The following DMD variants were observed in gnomAD, a reference collection of about 807,000 sequenced individuals.
DMD encodes the protein dystrophin.
Under a neutral mutation model 330.1 loss-of-function variants are expected in DMD, and 63 were observed. The observed-to-expected ratio is 0.19, with a 90% CI of 0.16 to 0.24. DMD has a LOEUF of 0.24. Ranked by LOEUF, DMD falls within the 10% of genes least tolerant of loss-of-function variation. The pLI, the probability that DMD is intolerant of heterozygous loss-of-function variation, is 1.00. For missense variants in DMD, 3,344 were observed against 2,684.1 expected (o/e 1.25, Z -5.43); for synonymous variants, 1,223 against 959.8 (o/e 1.27, Z -5.07).
intron 2 of DMD, among the ~76,000 whole-genome samples, chrX:33,007,885 T>G (rs2093427678): frequency 8.9e-6 from 1 of 111,880 alleles, no homozygotes; most frequent in South Asian, 3.7e-4. Flanking sequence ...GACTAGTTCC[T>G]ATGAAAAGTA....
intron 2 of DMD, among the ~76,000 whole-genome samples, chrX:32,932,831 C>A (rs200448160): frequency 8.9e-6 from 1 of 111,867 alleles, no homozygotes; most frequent in African/African-American, 3.3e-5. Context: ...TTTTTACGTG[C>A]AAAACTTCTG....
At position 32,686,559 on chromosome X, in the gene DMD, C is replaced by CAAAAAAAAAAAAAAAAA. The variant is rs750534167; in HGVS notation, c.960+11294_960+11310dup. On this transcript the variant is annotated intron_variant, in intron 9 of 78. Coordinates refer to ENST00000357033, the MANE Select transcript of DMD (RefSeq NM_004006.3). ...GGGCAACAGAGCAAAAACTCCATCT[C>CAAAAAAAAAAAAAAAAA]AAAAAAAAAAAAAAAAAAAAAAAGA... Among the ~76,000 whole-genome samples, 24 of 28,580 alleles carry CAAAAAAAAAAAAAAAAA rather than the reference C, an allele frequency of 8.4e-4. 1 individual carries two copies. Among genetic ancestry groups the CAAAAAAAAAAAAAAAAA allele is most frequent in the African/African-American group, 2.4e-3 (18 of 7,472 alleles). 24.8% of individuals were successfully genotyped at this position (28,580 alleles called of 115,157 possible). A position where few individuals can be genotyped will look rare whatever the true frequency, so the allele number is the denominator to read the frequency against.
chrX:33,287,203 G>T (rs2053446327), intron 1 of DMD, among the ~76,000 whole-genome samples: 1 of 111,165 alleles, frequency 9.0e-6, no homozygotes. Context: ...TATATATTTG[G>T]GTTACATAAT....
At chrX:31,961,740 G>GT (rs59279553) in intron 45 of DMD, among the ~76,000 whole-genome samples, 15,081 of 75,490 alleles carry the variant, frequency 0.2, 1,383 homozygotes, top group East Asian at 0.28. Flanking sequence ...AAAGGAAGCG[G>GT]TTTTTTTTTT....
intron 38 of DMD, among the ~76,000 whole-genome samples, chrX:32,347,643 C>A (rs1165688339): frequency 1.8e-5 from 2 of 111,654 alleles, no homozygotes; most frequent in Non-Finnish European, 3.8e-5. Context: ...CAAGCATTGT[C>A]TGAGAAGGCT....
intron 63 of DMD, among the ~76,000 whole-genome samples, chrX:31,244,912 C>T (rs1195476356): frequency 9.0e-6 from 1 of 111,503 alleles, no homozygotes; most frequent in Admixed American, 9.6e-5. Flanking sequence ...CGTTTTTCTC[C>T]TTGATATTTT....
rs1250627945 is a variant in DMD at position 31,794,242 on chromosome X, C to T, written c.7310-20050G>A. 7.2e-5 allele frequency among the ~76,000 whole-genome samples: 8 copies of T among 111,236 alleles called. No homozygotes were observed. The East Asian group carries it at 1.1e-3, about 16-fold the overall frequency. ...ATTCATATCCTTTCTGAAAGATAAA[C>T]TACCTCAAAATTCAGGACCCAATAG... is the stretch of plus-strand genomic sequence containing the variant. On this transcript the variant is annotated intron_variant, in intron 50 of 78. Coordinates refer to ENST00000357033, the MANE Select transcript of DMD (RefSeq NM_004006.3).
At chrX:31,470,199 CA>C (rs1053372991) in intron 59 of DMD, among the ~76,000 whole-genome samples, 8 of 111,538 alleles carry the variant, frequency 7.2e-5, no homozygotes, top group Non-Finnish European at 1.5e-4. Context: ...ATTCTCCATC[CA>C]GTTTTGTTCC....
rs201832119 is a variant in DMD at position 31,266,791 on chromosome X, G to A, written c.9225-5775C>T. On this transcript the variant is annotated intron_variant, in intron 62 of 78. Coordinates refer to ENST00000357033, the MANE Select transcript of DMD (RefSeq NM_004006.3). ...CGGATTGCGGCCATCAGACGGGGCC[G>A]GGGCCGCGATCCACTTACCCTTTGA... is the stretch of plus-strand genomic sequence containing the variant. The A allele has an allele frequency of 2.4e-5, 29 of 1,192,460 alleles. No individual in the cohort carries two copies. The African/African-American group carries it at 4.2e-4, about 17-fold the overall frequency.
At chrX:31,932,760 A>ATACG (rs1163877787) in intron 45 of DMD, among the ~76,000 whole-genome samples, 41 of 110,701 alleles carry the variant, frequency 3.7e-4, no homozygotes, top group African/African-American at 1.3e-3. Context: ...ACATACATAC[A>ATACG]TACGTACGTA....
In DMD at chrX:32,485,734, CTTTTTTTTTTTTT is replaced by C. The variant is rs5902034; in HGVS notation, c.2623-648_2623-636del. Among the ~76,000 whole-genome samples the C allele has an allele frequency of 2.5e-4, 9 of 36,156 alleles. No homozygotes were observed. The East Asian group carries it at 0.01, about 41-fold the overall frequency. 31.4% of individuals were successfully genotyped at this position (36,156 alleles called of 115,157 possible). A position where few individuals can be genotyped will look rare whatever the true frequency, so the allele number is the denominator to read the frequency against. On this transcript the variant is annotated intron_variant, in intron 20 of 78. Transcript: ENST00000357033. ...CTCCTGACCAAACAGGCAACCACTG[CTTTTTTTTTTTTT>C]TTTTTTTTTTTTTGGGACAGAGTCT...
chrX:32,456,097 A>G (rs868579270), intron 25 of DMD, among the ~76,000 whole-genome samples: 1 of 40,017 alleles, frequency 2.5e-5, no homozygotes, highest in Admixed American at 4.3e-4. Context: ...GAGTTTTCAT[A>G]GTATTAATAT....
chrX:32,474,233 A>G (rs2040984096), intron 21 of DMD, among the ~76,000 whole-genome samples: 1 of 110,103 alleles, frequency 9.1e-6, no homozygotes. Context: ...ACACACACAC[A>G]CACTCACCAC....
At chrX:32,922,175 A>T (rs1194141504) in intron 2 of DMD, among the ~76,000 whole-genome samples, 1 of 98,526 alleles carries the variant, frequency 1.0e-5, no homozygotes, top group African/African-American at 3.7e-5. Flanking sequence ...CCCTGACATG[A>T]TTTTTTTTTT....
At chrX:32,817,265 C>A (rs2077838048) in intron 5 of DMD, among the ~76,000 whole-genome samples, 1 of 110,586 alleles carries the variant, frequency 9.0e-6, no homozygotes, top group Non-Finnish European at 1.9e-5. Flanking sequence ...GTTTGCCTAC[C>A]TAAAATAAAG....
In DMD at chrX:32,588,831, T is replaced by C. The variant is rs1329368150; in HGVS notation, c.1602+6926A>G. 5.4e-5 allele frequency among the ~76,000 whole-genome samples: 6 copies of C among 111,840 alleles called. No individual in the cohort carries two copies. In the South Asian group the frequency reaches 1.1e-3, roughly 21 times the overall value. On this transcript the variant is annotated intron_variant, in intron 13 of 78. Transcript: ENST00000357033. ...CATAAGGGAAAGGACAGGGATGAAT[T>C]TGGGGATGACTCTAGGTTTCTGGTA...
chrX:32,957,057 C>A (rs965791082), intron 2 of DMD, among the ~76,000 whole-genome samples: 3 of 111,470 alleles, frequency 2.7e-5, no homozygotes, highest in Admixed American at 9.6e-5. Context: ...TCTAGACAGG[C>A]TCCAGTTTTT....
chrX:33,295,569 C>T (rs2053572128), intron 1 of DMD, among the ~76,000 whole-genome samples: 1 of 111,152 alleles, frequency 9.0e-6, no homozygotes, highest in African/African-American at 3.3e-5. Context: ...GCTATATCAG[C>T]AAGGTAAATG....
At chrX:31,224,657 A>C (rs2046406511) in intron 63 of DMD, among the ~76,000 whole-genome samples, 1 of 111,868 alleles carries the variant, frequency 8.9e-6, no homozygotes, top group South Asian at 3.8e-4. Context: ...CACAGAATAA[A>C]AAAAAATGTA....
Sources: gnomAD v4.1 joint callset for allele counts (sites outside exome capture counted in the v4.1 genomes callset) on GRCh38, gnomAD v4.1.1 for gene constraint, MANE v1.5 for transcripts, NCBI Gene and HGNC (gene_info 2026-07-23, HGNC 2026-07-21) for gene names.